Variants in ZNF48 observed in about 807,000 individuals in gnomAD.
ZNF48 encodes zinc finger protein 553.
A neutral mutation model predicts 40.0 loss-of-function variants in ZNF48; 20 were observed. That is an observed-to-expected ratio of 0.50 (90% CI 0.35 to 0.73). ZNF48 has a LOEUF of 0.73. Ranked by LOEUF, ZNF48 falls within the 30% of genes least tolerant of loss-of-function variation. The pLI, the probability that ZNF48 is intolerant of heterozygous loss-of-function variation, is 0.01. For missense variants in ZNF48, 726 were observed against 851.9 expected (o/e 0.85, Z 1.84); for synonymous variants, 298 against 329.7 (o/e 0.90, Z 1.04).
chr16:30,382,917 T>A lies in ZNF48; in HGVS notation c.-16+4507T>A. ...GGACGGGCAAGGTGGCTCTCGCCTG[T>A]AATCTCAGCACTTTGGGAGGCGGAG... is the stretch of plus-strand genomic sequence containing the variant. On this transcript the variant is annotated intron_variant, in intron 1 of 2. Transcript: ENST00000528032. The surrounding 1 kb of genome is among the most constrained non-coding windows in gnomAD (Gnocchi z 4.8). 1 of 820,646 alleles carries A rather than the reference T, an allele frequency of 1.2e-6. No individual in the cohort carries two copies. Among genetic ancestry groups the A allele is most frequent in the Non-Finnish European group, 2.0e-6 (1 of 498,412 alleles). 50.8% of individuals were successfully genotyped at this position (820,646 alleles called of 1,614,324 possible). A position where few individuals can be genotyped will look rare whatever the true frequency, so the allele number is the denominator to read the frequency against.
At chr16:30,392,637 TATC>T (rs1474426752), upstream of ZNF48, among the ~76,000 whole-genome samples, 2 of 152,192 alleles carry the variant, frequency 1.3e-5, no homozygotes, top group African/African-American at 4.8e-5. Context: ...AGTTAGCTGT[TATC>T]ATCCCTATTT....
At chr16:30,394,342 C>T (rs553822810), upstream of ZNF48, among the ~76,000 whole-genome samples, 1 of 152,180 alleles carries the variant, frequency 6.6e-6, no homozygotes, top group African/African-American at 2.4e-5. Context: ...CAGTTACCCC[C>T]ACCATCATTG....
Position 30,378,483 on chromosome 16 carries a change from G to A in ZNF48, c.-16+73G>A, listed in dbSNP as rs1008692747. 4 of 1,578,042 alleles carry A rather than the reference G, an allele frequency of 2.5e-6. No individual in the cohort carries two copies. In the Admixed American group the frequency reaches 5.6e-5, roughly 22 times the overall value. ...CTGGGCCTGGCTCTGCTGCATTTGGGCCTGCATCTTCTCCAGCATCTCTTG... is the reference window on the plus strand; with the variant it reads ...CTGGGCCTGGCTCTGCTGCATTTGGACCTGCATCTTCTCCAGCATCTCTTG... On this transcript the variant is annotated intron_variant, in intron 1 of 2. Coordinates refer to the ZNF48 transcript ENST00000528032.
At chr16:30,391,402 C>CTGG (rs2049941723), upstream of ZNF48, among the ~76,000 whole-genome samples, 1 of 150,900 alleles carries the variant, frequency 6.6e-6, no homozygotes. Flanking sequence ...GTTGGTCAGG[C>CTGG]TGGTCTCCAA....
intron 1 of ZNF48, chr16:30,379,490 C>T (rs758591486): frequency 5.6e-6 from 9 of 1,613,960 alleles, no homozygotes; most frequent in Non-Finnish European, 6.8e-6. Flanking sequence ...TCCCGCCATC[C>T]CTCACCACCT....
At chr16:30,379,320 T>C in intron 1 of ZNF48, 1 of 1,433,090 alleles carries the variant, frequency 7.0e-7, no homozygotes, top group Non-Finnish European at 9.7e-7. Context: ...GACCCCCCTT[T>C]CCTCCTAGGA....
intron 1 of ZNF48, among the ~76,000 whole-genome samples, chr16:30,385,441 A>G (rs1174315859): frequency 6.6e-6 from 1 of 151,882 alleles, no homozygotes; most frequent in Non-Finnish European, 1.5e-5. Flanking sequence ...CCTGGCCAAC[A>G]TGGTGAAACC....
chr16:30,381,458 CA>C lies in ZNF48; in HGVS notation c.-16+3049del. ...GCTCAAATTGCTCCTCGATGAATTT[CA>C]CCACCGGAAGCCAGCTGGGTGTGGG... On this transcript the variant is annotated intron_variant, in intron 1 of 2. Transcript: ENST00000528032. The surrounding 1 kb of genome is among the most constrained non-coding windows in gnomAD (Gnocchi z 4.3). The C allele has an allele frequency of 6.2e-7, 1 of 1,614,046 alleles. No individual in the cohort carries two copies. The highest frequency in any genetic ancestry group is 8.5e-7 in the Non-Finnish European group (1 of 1,180,008).
intron 1 of ZNF48, among the ~76,000 whole-genome samples, chr16:30,390,099 G>A (rs1010056819): frequency 1.3e-5 from 2 of 151,832 alleles, no homozygotes; most frequent in South Asian, 2.1e-4. Context: ...AGGATTCCAG[G>A]TGTAAGCCAC....
At chr16:30,378,315 G>C (rs2049778349) in exon 1 of ZNF48, 2 of 995,842 alleles carry the variant, frequency 2.0e-6, no homozygotes, top group Non-Finnish European at 1.4e-6. Flanking sequence ...CCTCCCCCTA[G>C]CCCGCGCGAG....
In ZNF48 at chr16:30,380,098, A is replaced by G. The variant is rs1035008382; in HGVS notation, c.-16+1688A>G. The G allele has an allele frequency of 1.2e-5, 16 of 1,326,716 alleles. No homozygotes were observed. In the Admixed American group the frequency reaches 2.9e-4, roughly 24 times the overall value. 82.2% of individuals were successfully genotyped at this position (1,326,716 alleles called of 1,614,324 possible). A position where few individuals can be genotyped will look rare whatever the true frequency, so the allele number is the denominator to read the frequency against. On this transcript the variant is annotated intron_variant, in intron 1 of 2. Transcript: ENST00000528032. ...ACAATGACAGACATTTCATGACCAG[A>G]GACAGTGAGACACAGAGATACTGGG...
At chr16:30,392,432 G>A (rs888426874), upstream of ZNF48, among the ~76,000 whole-genome samples, 2 of 152,124 alleles carry the variant, frequency 1.3e-5, no homozygotes, top group East Asian at 1.9e-4. Context: ...GATTACAGGC[G>A]TGAGCCACCA....
intron 1 of ZNF48, among the ~76,000 whole-genome samples, chr16:30,383,799 T>C (rs2049878282): frequency 6.6e-6 from 1 of 152,218 alleles, no homozygotes; most frequent in Admixed American, 6.5e-5. Flanking sequence ...TCTACCCACA[T>C]TGAGCTTTTC....
At chr16:30,379,935 C>G (rs1254787160) in intron 1 of ZNF48, 2 of 1,512,540 alleles carry the variant, frequency 1.3e-6, no homozygotes, top group Non-Finnish European at 1.8e-6. Context: ...CCCACACCTT[C>G]ATCTCTGCAT....
chr16:30,399,119 G>A lies in ZNF48; in HGVS notation c.*12G>A. ...CAGGACTGGAATGACGCGGTCCAGGGAGGGCGGAGGCCCAGGAGACCAAAG... is the reference window on the plus strand; with the variant it reads ...CAGGACTGGAATGACGCGGTCCAGGAAGGGCGGAGGCCCAGGAGACCAAAG... On this transcript the variant is annotated 3_prime_UTR_variant, in exon 3 of 3. Transcript: ENST00000613509. 6.4e-7 allele frequency: 1 copy of A among 1,554,288 alleles called. No individual in the cohort carries two copies.
Position 30,398,368 on chromosome 16 carries a change from C to T in ZNF48, c.1118C>T (p.Thr373Ile). Residue 373 changes from threonine (T) to isoleucine (I), a missense_variant, in exon 3 of 3, where the codon ACC becomes ATC. Thr to Ile is a moderately conservative substitution (Grantham distance 89). Coordinates refer to ENST00000613509, the MANE Select transcript of ZNF48 (RefSeq NM_001214909.2). This position sits in a 1 kb window ranked among gnomAD's most constrained non-coding sequence, Gnocchi z 6.6. ...ECDRTFSLSS[T>I]LLRHRLTHME... is the part of the protein sequence containing the mutation. ...GACCGTACCTTCAGCCTCAGCTCCA[C>T]CCTTCTTCGCCACCGCCTCACTCAC... 2 of 1,613,270 alleles carry T rather than the reference C, an allele frequency of 1.2e-6. No individual in the cohort carries two copies. Among genetic ancestry groups the T allele is most frequent in the Non-Finnish European group, 1.7e-6 (2 of 1,179,714 alleles).
chr16:30,384,904 C>T (rs573483273), intron 1 of ZNF48, among the ~76,000 whole-genome samples: 1 of 151,852 alleles, frequency 6.6e-6, no homozygotes, highest in East Asian at 1.9e-4. Flanking sequence ...AGGCCAGGCG[C>T]GGTGGCTCAT....
intron 1 of ZNF48, among the ~76,000 whole-genome samples, chr16:30,387,228 C>T (rs1183805842): frequency 6.8e-5 from 10 of 146,868 alleles, no homozygotes; most frequent in Non-Finnish European, 1.4e-4. Context: ...CAGGCGTGAG[C>T]CACCGCGCCC....
intron 1 of ZNF48, among the ~76,000 whole-genome samples, chr16:30,384,793 G>C (rs1337462412): frequency 1.3e-5 from 2 of 151,418 alleles, no homozygotes; most frequent in Non-Finnish European, 2.9e-5. Flanking sequence ...CAGGAGAATT[G>C]CTAGAACCTG....
Sources: allele counts gnomAD v4.1 joint callset (sites outside exome capture counted in the v4.1 genomes callset), GRCh38; gene constraint gnomAD v4.1.1; non-coding constraint Gnocchi (gnomAD v3.1); transcripts MANE v1.5; gene names NCBI Gene and HGNC (gene_info 2026-07-23, HGNC 2026-07-21).